GPM6A: variants seen among roughly 807,000 people sequenced by gnomAD.
GPM6A encodes the protein glycoprotein M6A.
In GPM6A, 7 loss-of-function variants were observed where a neutral mutation model predicts 32.1. The observed-to-expected ratio is 0.22, with a 90% confidence interval of 0.12 to 0.41. The LOEUF is 0.41. GPM6A is among the 10% of genes least tolerant of loss of function. The pLI is 1.00. For missense variants in GPM6A, 235 were observed against 347.2 expected, an observed-to-expected ratio of 0.68 and a Z score of 2.57; for synonymous variants, 130 against 123.4, an observed-to-expected ratio of 1.05 and a Z score of -0.35.
intron 6 of GPM6A, among the ~76,000 whole-genome samples, chr4:175,636,435 T>C (rs1365923229): frequency 6.6e-6 from 1 of 151,490 alleles, no homozygotes; most frequent in Non-Finnish European, 1.5e-5. Flanking sequence ...TAAATGAATG[T>C]ATTTTTCAAT....
chr4:175,666,471 CTT>C (rs1419309117), intron 3 of GPM6A, among the ~76,000 whole-genome samples: 3 of 152,052 alleles, frequency 2.0e-5, no homozygotes, highest in African/African-American at 4.8e-5. Flanking sequence ...AAATGTAGCT[CTT>C]GAGTTTTTTC....
At chr4:175,817,150 C>T (rs940657342), upstream of GPM6A, among the ~76,000 whole-genome samples, 1 of 152,138 alleles carries the variant, frequency 6.6e-6, no homozygotes, top group Non-Finnish European at 1.5e-5. Flanking sequence ...GAGCCACCGC[C>T]CCGCGGCCAA....
intron 2 of GPM6A, among the ~76,000 whole-genome samples, chr4:175,691,029 T>A (rs1044960362): frequency 2.6e-5 from 4 of 152,230 alleles, no homozygotes; most frequent in African/African-American, 9.6e-5. Flanking sequence ...ACCTGAGGTA[T>A]CTTACTGACT....
intron 2 of GPM6A, among the ~76,000 whole-genome samples, chr4:175,693,235 T>A (rs933096576): frequency 6.6e-6 from 1 of 150,464 alleles, no homozygotes; most frequent in African/African-American, 2.4e-5. Flanking sequence ...AAAAGATTAA[T>A]CAGACATAAG....
chr4:175,847,013 C>A (rs10520312), intron 1 of GPM6A, among the ~76,000 whole-genome samples: 6 of 151,822 alleles, frequency 4.0e-5, no homozygotes, highest in Non-Finnish European at 8.8e-5. Context: ...CAAGAATCAA[C>A]GAATCTCCCT....
At chr4:175,947,738 C>T (rs1000301581) in intron 1 of GPM6A, 2 of 152,070 alleles carry the variant, frequency 1.3e-5, no homozygotes, top group Non-Finnish European at 2.9e-5. Flanking sequence ...CAAAGACACC[C>T]GACATTTTAA....
In GPM6A at chr4:175,995,811, A is replaced by G. The variant is rs7676577; in HGVS notation, c.-23+6498T>C. The stretch of plus-strand genomic sequence containing the variant: ...AGCATACCTTATATATCTTAAAATA[A>G]ATAGCGAATATCTTAAACTGAAAAA... On this transcript the variant is annotated intron_variant, in intron 1 of 7. Transcript: ENST00000280187. Among the ~76,000 whole-genome samples, 279 of 152,372 alleles carry G rather than the reference A, an allele frequency of 1.8e-3. 2 individuals are homozygous for G. Among genetic ancestry groups the G allele is most frequent in the African/African-American group, 6.4e-3 (266 of 41,588 alleles).
chr4:175,764,158 C>A (rs1438863098), intron 1 of GPM6A, among the ~76,000 whole-genome samples: 1 of 152,166 alleles, frequency 6.6e-6, no homozygotes, highest in African/African-American at 2.4e-5. Context: ...ATCCATTAAG[C>A]AGTCCTGCCT....
intron 1 of GPM6A, among the ~76,000 whole-genome samples, chr4:175,744,603 A>C (rs942420677): frequency 2.6e-5 from 4 of 152,140 alleles, no homozygotes; most frequent in Non-Finnish European, 5.9e-5. Context: ...GCCCAATATC[A>C]ATTAACTTTC....
At chr4:175,721,060 G>A (rs1226530732) in intron 1 of GPM6A, among the ~76,000 whole-genome samples, 3 of 136,176 alleles carry the variant, frequency 2.2e-5, no homozygotes, top group African/African-American at 2.7e-5. Context: ...ATATGTACTA[G>A]TATATATATA....
intron 1 of GPM6A, among the ~76,000 whole-genome samples, chr4:175,775,096 C>G (rs980310134): frequency 6.6e-6 from 1 of 151,970 alleles, no homozygotes. Flanking sequence ...AGGTTCACAA[C>G]CATATCAGTG....
Position 175,701,588 on chromosome 4 carries a change from C to G in GPM6A, c.217G>C (p.Asp73His). The G allele has an allele frequency of 6.2e-7, 1 of 1,612,284 alleles. No homozygotes were observed. Among genetic ancestry groups the G allele is most frequent in the Admixed American group, 1.7e-5 (1 of 59,970 alleles). The change falls in exon 2 of 7, where the codon GAT (aspartate) becomes CAT (histidine). Residue 73 changes from aspartate (D) to histidine (H), a missense_variant. Asp to His is a moderately conservative substitution (Grantham distance 81). Around this residue, in one of 3 missense-constraint regions of GPM6A, gnomAD observed 101 missense variants for 171.2 expected, o/e 0.59. Transcript: ENST00000393658. ...EMARTAGDTL[D>H]VFTMIDIFKY... ...AGAGTGACTTACATGGTAAAAACAT[C>G]CAGTGTGTCTCCAGCAGTTCTTGCC... is the stretch of plus-strand genomic sequence containing the variant.
intron 1 of GPM6A, among the ~76,000 whole-genome samples, chr4:175,861,749 GA>G (rs10716525): frequency 0.34 from 29,907 of 86,942 alleles, 2,931 homozygotes; most frequent in Admixed American, 0.38. Flanking sequence ...AAGAGACTCT[GA>G]AAAAAAAAAA....
intron 1 of GPM6A, among the ~76,000 whole-genome samples, chr4:175,713,048 G>T (rs933833982): frequency 2.6e-5 from 4 of 152,088 alleles, no homozygotes; most frequent in Non-Finnish European, 5.9e-5. Flanking sequence ...AGACTAAAAA[G>T]CTCCCTGGCA....
chr4:175,812,786 G>A (rs566115181), upstream of GPM6A: 30 of 985,300 alleles, frequency 3.0e-5, no homozygotes, highest in South Asian at 4.7e-5. Flanking sequence ...TCTTTATGCT[G>A]CAGCAGTGGC....
chr4:175,759,439 T>G (rs115146171), intron 1 of GPM6A, among the ~76,000 whole-genome samples: 3,066 of 152,334 alleles, frequency 0.02, 82 homozygotes, highest in African/African-American at 0.056. Context: ...TTCTCCCTTT[T>G]GTACATAGCT....
At chr4:175,848,540 G>A (rs548144736) in intron 1 of GPM6A, among the ~76,000 whole-genome samples, 3 of 152,180 alleles carry the variant, frequency 2.0e-5, no homozygotes, top group African/African-American at 4.8e-5. Flanking sequence ...TAATTTACCC[G>A]AAAACAGATT....
chr4:175,694,850 T>C lies in GPM6A; in HGVS notation c.230+6725A>G, dbSNP rs536909806. ...GAGACCTTTGTGGCAGCCCCTCCCA[T>C]CACAGGCCCAGAGGTGTAGGAGGAA... On this transcript the variant is annotated intron_variant, in intron 2 of 6. Transcript: ENST00000393658. Among the ~76,000 whole-genome samples the C allele has an allele frequency of 2.1e-4, 32 of 151,950 alleles. 2 individuals are homozygous for C. In the South Asian group the frequency reaches 6.1e-3, roughly 29 times the overall value.
intron 1 of GPM6A, among the ~76,000 whole-genome samples, chr4:175,984,103 A>G (rs1304647869): frequency 6.6e-6 from 1 of 151,972 alleles, no homozygotes; most frequent in Non-Finnish European, 1.5e-5. Flanking sequence ...TATTTATTGG[A>G]CATCCATGAT....
Sources: gnomAD v4.1 joint callset for allele counts (sites outside exome capture counted in the v4.1 genomes callset) on GRCh38, gnomAD v4.1.1 for gene constraint, gnomAD v4.1.1 regional missense constraint, MANE v1.5 for transcripts, NCBI Gene and HGNC (gene_info 2026-07-23, HGNC 2026-07-21) for gene names.